SLC16A6: variants seen among roughly 807,000 people sequenced by gnomAD.
The protein encoded by SLC16A6 is solute carrier family 16 member 6.
Under a neutral mutation model 33.8 loss-of-function variants are expected in SLC16A6, and 15 were observed. The ratio of observed to expected loss-of-function variants is 0.44; its 90% CI spans 0.30 to 0.68. SLC16A6 has a LOEUF of 0.68. SLC16A6 is among the 30% of genes least tolerant of loss of function. The probability of loss-of-function intolerance (pLI) is 0.10; values close to 1 mark genes in which losing one functional copy is unlikely to be tolerated. For missense variants in SLC16A6, 451 were observed against 661.5 expected (o/e 0.68, Z 3.49); for synonymous variants, 219 against 248.4 (o/e 0.88, Z 1.11).
At chr17:68,281,497 C>G (rs1442970171) in intron 1 of SLC16A6, among the ~76,000 whole-genome samples, 3 of 151,460 alleles carry the variant, frequency 2.0e-5, no homozygotes, top group African/African-American at 7.3e-5. Context: ...CTCACTTGAA[C>G]CTGGGAGGTG....
intron 1 of SLC16A6, among the ~76,000 whole-genome samples, chr17:68,287,105 T>C (rs529615855): frequency 3.3e-4 from 50 of 152,300 alleles, no homozygotes; most frequent in African/African-American, 1.2e-3. Context: ...TGCCTTAGCC[T>C]CCCAAGAAGC....
At position 68,271,513 on chromosome 17, in the gene SLC16A6, T is replaced by C. The variant is rs370502404; in HGVS notation, c.647A>G (p.Gln216Arg). Residue 216 changes from glutamine (Q) to arginine (R), a missense_variant, in exon 5 of 6, where the codon CAG becomes CGG. Physicochemically the swap from Gln to Arg is conservative, Grantham distance 43. Coordinates refer to ENST00000580666, the MANE Select transcript of SLC16A6 (RefSeq NM_004694.5). This position sits in a 1 kb window ranked among gnomAD's most constrained non-coding sequence, Gnocchi z 5.3. The part of the protein sequence containing the change: ...RGPASPKIVI[Q>R]ENRKEAQYML... ...ATACTGCGCTTCTTTCCGATTTTCCTGGATGACTATTTTCGGTGACGCTGG... is the reference window on the plus strand; with the variant it reads ...ATACTGCGCTTCTTTCCGATTTTCCCGGATGACTATTTTCGGTGACGCTGG... 1.4e-5 allele frequency: 22 copies of C among 1,614,224 alleles called. No homozygotes were observed. Among genetic ancestry groups the C allele is most frequent in the Non-Finnish European group, 1.9e-5 (22 of 1,180,032 alleles).
rs1445918665 is a variant in SLC16A6, at chr17:68,271,652, T to C, written c.508A>G (p.Ile170Val). Residue 170 changes from isoleucine to valine, a missense_variant and splice_region_variant, in exon 5 of 6, where the codon ATC (isoleucine) becomes GTC (valine). Ile to Val is a conservative substitution (Grantham distance 29). Coordinates refer to ENST00000580666, the MANE Select transcript of SLC16A6 (RefSeq NM_004694.5). This position sits in a 1 kb window ranked among gnomAD's most constrained non-coding sequence, Gnocchi z 5.3. ...CCAATGCGCTCCTTCAGAGCCATGATTGCTTGAATAGGCAGGAGTGAAGAA... is the reference window on the plus strand; with the variant it reads ...CCAATGCGCTCCTTCAGAGCCATGACTGCTTGAATAGGCAGGAGTGAAGAA... ...CFAVFAFAPA[I>V]MALKERIGWR... 23 of 1,610,304 alleles carry C rather than the reference T, an allele frequency of 1.4e-5. No individual in the cohort carries two copies. Among genetic ancestry groups the C allele is most frequent in the Non-Finnish European group, 2.0e-5 (23 of 1,177,042 alleles).
At chr17:68,274,719 C>T (rs1555750335) in intron 2 of SLC16A6, among the ~76,000 whole-genome samples, 5 of 151,194 alleles carry the variant, frequency 3.3e-5, no homozygotes, top group Admixed American at 1.3e-4. Context: ...TATTTTTTCT[C>T]TACTCACTAC....
intron 1 of SLC16A6, among the ~76,000 whole-genome samples, chr17:68,285,848 TC>T (rs1257626283): frequency 6.6e-6 from 1 of 151,468 alleles, no homozygotes; most frequent in Admixed American, 6.6e-5. Flanking sequence ...GCCACCTCCA[TC>T]CCCCAGGTTC....
At chr17:68,288,907 C>T (rs189973133) in intron 1 of SLC16A6, among the ~76,000 whole-genome samples, 2 of 152,310 alleles carry the variant, frequency 1.3e-5, no homozygotes, top group East Asian at 1.9e-4. Flanking sequence ...CCTTTTCCAA[C>T]TTACAAAACT....
At chr17:68,286,072 T>G (rs545953877) in intron 1 of SLC16A6, among the ~76,000 whole-genome samples, 23 of 152,310 alleles carry the variant, frequency 1.5e-4, no homozygotes, top group African/African-American at 5.3e-4. Context: ...TTTTTATTTT[T>G]TGTAGAGACA....
intron 1 of SLC16A6, among the ~76,000 whole-genome samples, chr17:68,289,351 G>A (rs2075914393): frequency 6.6e-6 from 1 of 152,158 alleles, no homozygotes; most frequent in Non-Finnish European, 1.5e-5. Flanking sequence ...ATCCTTGGGA[G>A]TTTCACTGTG....
At chr17:68,280,903 T>C (rs1402197092) in intron 1 of SLC16A6, among the ~76,000 whole-genome samples, 1 of 152,026 alleles carries the variant, frequency 6.6e-6, no homozygotes, top group African/African-American at 2.4e-5. Context: ...GGTGGGTGGA[T>C]TACCTGAGCT....
In SLC16A6 at chr17:68,271,038, A is replaced by G; in HGVS notation, c.1122T>C (p.Phe374=). The change falls in exon 5 of 6, where the codon TTT becomes TTC. Residue 374 remains phenylalanine (F), a synonymous_variant. Transcript: ENST00000580666. The surrounding 1 kb of genome is among the most constrained non-coding windows in gnomAD (Gnocchi z 5.3). ...ICVILLTVSL[F]AFTFATEFWG... is the part of the protein sequence containing the mutation. ...AGAATTCAGTAGCAAAAGTAAAGGC[A>G]AACAGAGACACAGTCAATAAGATGA... is the stretch of plus-strand genomic sequence containing the variant. The G allele has an allele frequency of 6.2e-7, 1 of 1,614,210 alleles. No individual in the cohort carries two copies. The highest frequency in any genetic ancestry group is 8.5e-7 in the Non-Finnish European group (1 of 1,180,032).
At chr17:68,283,479 C>A (rs2075763547) in intron 1 of SLC16A6, among the ~76,000 whole-genome samples, 1 of 150,888 alleles carries the variant, frequency 6.6e-6, no homozygotes, top group Admixed American at 6.6e-5. Flanking sequence ...CGAGATCGCG[C>A]CACTGCACTC....
Position 68,278,168 on chromosome 17 carries a change from G to A in SLC16A6, c.153C>T (p.Asp51=), listed in dbSNP as rs1555751614. Residue 51 remains aspartate, a synonymous_variant, in exon 2 of 6, where the codon GAC becomes GAT. Coordinates refer to ENST00000580666, the MANE Select transcript of SLC16A6 (RefSeq NM_004694.5). Reference sequence around the variant, plus strand: ...TGGATTCATTAAAACTGTCCATTAAGTCATTAAAGAAGACACCAAATGTCT... The same window carrying A: ...TGGATTCATTAAAACTGTCCATTAAATCATTAAAGAAGACACCAAATGTCT... ...IIKTFGVFFN[D]LMDSFNESNS... is the part of the protein sequence containing the mutation. 1 of 1,613,938 alleles carries A rather than the reference G, an allele frequency of 6.2e-7. No individual in the cohort carries two copies. Among genetic ancestry groups the A allele is most frequent in the Non-Finnish European group, 8.5e-7 (1 of 1,179,944 alleles).
intron 2 of SLC16A6, 164 bp from the exon 3 acceptor site, chr17:68,274,234 G>A: frequency 1.6e-6 from 1 of 635,038 alleles, no homozygotes; most frequent in Non-Finnish European, 2.6e-6. Context: ...GGGAGGTTGA[G>A]GACGGAGGAT....
intron 2 of SLC16A6, among the ~76,000 whole-genome samples, chr17:68,276,099 T>C (rs951495386): frequency 6.6e-6 from 1 of 152,104 alleles, no homozygotes; most frequent in African/African-American, 2.4e-5. Context: ...CTCTCTCTCT[T>C]TTTTTATTTT....
chr17:68,287,380 G>C (rs573038003), intron 1 of SLC16A6, among the ~76,000 whole-genome samples: 24 of 151,794 alleles, frequency 1.6e-4, no homozygotes, highest in African/African-American at 5.6e-4. Flanking sequence ...GGCTGGTCTG[G>C]AACTCCCGGA....
Position 68,268,756 on chromosome 17 carries a change from C to A in SLC16A6, c.*340G>T. 1 of 234,520 alleles carries A rather than the reference C, an allele frequency of 4.3e-6. No homozygotes were observed. Among genetic ancestry groups the A allele is most frequent in the East Asian group, 1.0e-4 (1 of 9,912 alleles). 14.5% of individuals were successfully genotyped at this position (234,520 alleles called of 1,614,324 possible). A position where few individuals can be genotyped will look rare whatever the true frequency, so the allele number is the denominator to read the frequency against. ...TATCCCACGTGAAAGCTTTTAAAACCACTTTGCCAGTTCATGTCACTATTT... is the reference window on the plus strand; with the variant it reads ...TATCCCACGTGAAAGCTTTTAAAACAACTTTGCCAGTTCATGTCACTATTT... On this transcript the variant is annotated 3_prime_UTR_variant, in exon 6 of 6. Transcript: ENST00000580666.
Position 68,288,666 on chromosome 17 carries a change from C to A in SLC16A6, c.-8+2420G>T, listed in dbSNP as rs142867613. Among the ~76,000 whole-genome samples the A allele has an allele frequency of 8.5e-3, 1,302 of 152,334 alleles. 8 individuals are homozygous for A. Among genetic ancestry groups the A allele is most frequent in the Middle Eastern group, 0.024 (7 of 294 alleles). On this transcript the variant is annotated intron_variant, in intron 1 of 5. Transcript: ENST00000580666. ...AGACTCTGATGAGCTTAGATCTCTTCCTGCCCTAATAGTCTATACTTCTAT... is the reference window on the plus strand; with the variant it reads ...AGACTCTGATGAGCTTAGATCTCTTACTGCCCTAATAGTCTATACTTCTAT...
chr17:68,274,639 A>G (rs2075452166), intron 2 of SLC16A6: 1 of 152,244 alleles, frequency 6.6e-6, no homozygotes, highest in African/African-American at 2.4e-5. Flanking sequence ...ATGAGCACCT[A>G]TAAAATTAGA....
chr17:68,290,663 G>A (rs561282381), intron 1 of SLC16A6, among the ~76,000 whole-genome samples: 1 of 152,216 alleles, frequency 6.6e-6, no homozygotes, highest in Non-Finnish European at 1.5e-5. Flanking sequence ...GCCAGCCTGG[G>A]GTAGGAAGGT....
Sources: allele counts gnomAD v4.1 joint callset (sites outside exome capture counted in the v4.1 genomes callset), GRCh38; gene constraint gnomAD v4.1.1; non-coding constraint Gnocchi (gnomAD v3.1); transcripts MANE v1.5; gene names NCBI Gene and HGNC (gene_info 2026-07-23, HGNC 2026-07-21).